The following RTN4 variants were observed in gnomAD, a reference collection of about 807,000 sequenced individuals.
The protein encoded by RTN4 is reticulon-4.
Under a neutral mutation model 90.4 loss-of-function variants are expected in RTN4, and 32 were observed. The observed-to-expected ratio is 0.35, with a 90% CI of 0.27 to 0.48. The LOEUF (loss-of-function observed/expected upper bound fraction) is 0.48. Among genes scored for constraint, RTN4 ranks in the 20% least tolerant of loss-of-function variants. The pLI is 0.99. For missense variants in RTN4, 1,706 were observed against 1,430.2 expected, an observed-to-expected ratio of 1.19 and a Z score of -3.11; for synonymous variants, 629 against 552.5, an observed-to-expected ratio of 1.14 and a Z score of -1.94.
At chr2:55,118,016 T>G in the RTN4 span, among the ~76,000 whole-genome samples, 1 of 152,218 alleles carries the variant, frequency 6.6e-6, no homozygotes, top group South Asian at 2.1e-4. Flanking sequence ...AAGGTTGGTT[T>G]GTTTGGGATT....
At chr2:54,991,432 C>A (rs1353540892) in intron 3 of RTN4, among the ~76,000 whole-genome samples, 1 of 152,186 alleles carries the variant, frequency 6.6e-6, no homozygotes, top group African/African-American at 2.4e-5. Flanking sequence ...AATATCAGGA[C>A]TGGGATTCAA....
At chr2:55,017,336 T>C (rs1040720103) in intron 3 of RTN4, among the ~76,000 whole-genome samples, 6 of 152,216 alleles carry the variant, frequency 3.9e-5, no homozygotes, top group Non-Finnish European at 5.9e-5. Context: ...TTCATGAACA[T>C]ATGTAAGTTC....
At chr2:55,031,351 G>A (rs1029901224) in intron 1 of RTN4, among the ~76,000 whole-genome samples, 11 of 152,282 alleles carry the variant, frequency 7.2e-5, no homozygotes, top group East Asian at 1.9e-4. Flanking sequence ...TAAGAATACC[G>A]CACTCTTGCT....
chr2:55,043,671 A>C (rs1683221788), intron 1 of RTN4, among the ~76,000 whole-genome samples: 1 of 152,286 alleles, frequency 6.6e-6, no homozygotes, highest in Admixed American at 6.5e-5. Context: ...GGGTCACCTG[A>C]GGTCAGGAGT....
intron 3 of RTN4, among the ~76,000 whole-genome samples, chr2:55,022,319 A>G (rs922081160): frequency 2.0e-5 from 3 of 152,054 alleles, no homozygotes; most frequent in African/African-American, 7.2e-5. Flanking sequence ...CTCCTAAACC[A>G]TTTTACTGTG....
chr2:55,064,358 T>C (rs1215183897), intron 2 of RTN4, among the ~76,000 whole-genome samples: 1 of 149,872 alleles, frequency 6.7e-6, no homozygotes, highest in African/African-American at 2.4e-5. Context: ...TCTTTTTTTT[T>C]TTTTTTTTGA....
At chr2:55,049,193 G>T (rs1288726551) in intron 1 of RTN4, 11 of 986,474 alleles carry the variant, frequency 1.1e-5, no homozygotes, top group Non-Finnish European at 1.3e-5. Flanking sequence ...ACGAGCACAG[G>T]AGGAGGGGGA....
intron 2 of RTN4, among the ~76,000 whole-genome samples, chr2:55,077,202 A>C (rs969334386): frequency 4.0e-5 from 6 of 151,788 alleles, no homozygotes; most frequent in African/African-American, 1.5e-4. Flanking sequence ...TTTAATAGAG[A>C]CGGGGTTTCA....
chr2:54,974,011 AT>A (rs371277662), intron 6 of RTN4, 144 bp from the exon 7 acceptor site: 20 of 670,970 alleles, frequency 3.0e-5, no homozygotes, highest in African/African-American at 1.8e-4. Context: ...CTCTGGATGC[AT>A]CTGCTGTTGA....
intron 4 of RTN4, among the ~76,000 whole-genome samples, chr2:54,985,444 G>C (rs899109218): frequency 1.3e-5 from 2 of 152,060 alleles, no homozygotes; most frequent in African/African-American, 4.8e-5. Context: ...ACAGGCATGA[G>C]CCAACACGTT....
the RTN4 span, among the ~76,000 whole-genome samples, chr2:55,132,068 TA>T: frequency 6.6e-6 from 1 of 152,148 alleles, no homozygotes; most frequent in Non-Finnish European, 1.5e-5. Flanking sequence ...AAATTTGCTT[TA>T]AAAACATTAG....
At chr2:55,021,963 G>A (rs1558814233) in intron 3 of RTN4, among the ~76,000 whole-genome samples, 1 of 152,296 alleles carries the variant, frequency 6.6e-6, no homozygotes, top group Admixed American at 6.5e-5. Context: ...AGAGAAGGGA[G>A]ATAAACATAT....
chr2:54,983,092 C>T (rs1405186683), intron 4 of RTN4, among the ~76,000 whole-genome samples: 3 of 149,596 alleles, frequency 2.0e-5, no homozygotes, highest in African/African-American at 7.4e-5. Context: ...AAAGTTGACA[C>T]TATGTTGTCT....
At chr2:55,118,670 C>T in the RTN4 span, among the ~76,000 whole-genome samples, 4 of 152,114 alleles carry the variant, frequency 2.6e-5, no homozygotes, top group African/African-American at 9.7e-5. Flanking sequence ...TTCACCAAAC[C>T]AGGAGTTAAG....
rs547529005 is a variant in RTN4 at position 55,105,348 on chromosome 2, G to C, written c.-214+7172C>G. On this transcript the variant is annotated intron_variant, in intron 1 of 3. Transcript: ENST00000427710. ...AGGTTCAAGCAGTTCTCCTGCCTCA[G>C]CCTCCTGAGTAGCTGGGATTACAGG... 3.3e-5 allele frequency among the ~76,000 whole-genome samples: 5 copies of C among 149,590 alleles called. No homozygotes were observed. The South Asian group carries it at 8.5e-4, about 26-fold the overall frequency.
rs200376263 is a variant in RTN4 at position 55,025,729 on chromosome 2, A to C, written c.2370T>G (p.Ala790=). 6 of 1,613,614 alleles carry C rather than the reference A, an allele frequency of 3.7e-6. No individual in the cohort carries two copies. The highest frequency in any genetic ancestry group is 5.1e-6 in the Non-Finnish European group (6 of 1,179,820). Residue 790 remains alanine (A), a synonymous_variant, in exon 3 of 9, where the codon GCT becomes GCG. Coordinates refer to ENST00000337526, the MANE Select transcript of RTN4 (RefSeq NM_020532.5). ...ATGGCTTTCCTCCCTCAGGTGGCAA[A>C]GCACTGAGTTTTTCCTTATTTTCAT... The part of the protein sequence containing the change: ...IEYENKEKLS[A]LPPEGGKPYL...
At chr2:54,999,764 A>C (rs924674815) in intron 3 of RTN4, among the ~76,000 whole-genome samples, 1 of 152,204 alleles carries the variant, frequency 6.6e-6, no homozygotes, top group Non-Finnish European at 1.5e-5. Context: ...AAAAGTAATT[A>C]GAATTCAGAA....
At chr2:55,111,109 TA>T (rs1668031572) in intron 1 of RTN4, among the ~76,000 whole-genome samples, 1 of 152,052 alleles carries the variant, frequency 6.6e-6, no homozygotes, top group Admixed American at 6.6e-5. Flanking sequence ...AAGAAAAGAA[TA>T]AAAACAAAAT....
chr2:55,070,545 C>CAAAAAAAAA (rs747838297), intron 2 of RTN4, among the ~76,000 whole-genome samples: 17 of 67,174 alleles, frequency 2.5e-4, no homozygotes, highest in East Asian at 5.6e-4. Flanking sequence ...GACTCTGTCT[C>CAAAAAAAAA]AAAAAAAAAA....
Sources: gnomAD v4.1 joint callset for allele counts (sites outside exome capture counted in the v4.1 genomes callset) on GRCh38, gnomAD v4.1.1 for gene constraint, MANE v1.5 for transcripts, NCBI Gene and HGNC (gene_info 2026-07-23, HGNC 2026-07-21) for gene names.